The following ABCA1 variants were observed in gnomAD, a reference collection of about 807,000 sequenced individuals.
ABCA1 encodes phospholipid-transporting ATPase ABCA1.
A neutral mutation model predicts 262.5 loss-of-function variants in ABCA1; 133 were observed. That is an observed-to-expected ratio of 0.51 (90% CI 0.44 to 0.59). The LOEUF (loss-of-function observed/expected upper bound fraction) is 0.59, where lower values mean the gene tolerates loss of function less well. ABCA1 is among the 20% of genes least tolerant of loss of function. The pLI is 0.00. For missense variants in ABCA1, 2,452 were observed against 2,777.5 expected (o/e 0.88, Z 2.63); for synonymous variants, 1,022 against 1,043.5 (o/e 0.98, Z 0.40).
intron 6 of ABCA1, among the ~76,000 whole-genome samples, chr9:104,860,620 A>G (rs79872480): frequency 0.019 from 2,885 of 152,266 alleles, 89 homozygotes; most frequent in African/African-American, 0.066. Flanking sequence ...TGAAAAATCA[A>G]TAACCATGCA....
At chr9:104,848,470 C>G (rs566214704) in intron 7 of ABCA1, among the ~76,000 whole-genome samples, 2 of 152,000 alleles carry the variant, frequency 1.3e-5, no homozygotes, top group African/African-American at 4.8e-5. Context: ...CAAAAATTAG[C>G]CAGGCATGGT....
chr9:104,822,373 C>A, intron 19 of ABCA1, 123 bp downstream of exon 19: 1 of 1,284,788 alleles, frequency 7.8e-7, no homozygotes, highest in Non-Finnish European at 1.1e-6. Flanking sequence ...TCACATTCGG[C>A]AACTCCTCAT....
At position 104,884,580 on chromosome 9, in the gene ABCA1, G is replaced by C. The variant is rs201555773; in HGVS notation, c.161-12C>G. 1.2e-4 allele frequency: 197 copies of C among 1,613,996 alleles called. No individual in the cohort carries two copies. The highest frequency in any genetic ancestry group is 1.6e-4 in the Non-Finnish European group (186 of 1,180,008). On this transcript the variant is annotated splice_polypyrimidine_tract_variant and intron_variant, in intron 3 of 49. Transcript: ENST00000374736. The stretch of plus-strand genomic sequence containing the variant: ...ATTTGGAAAATGGCCTGTTGAAATC[G>C]AGGAGTAGAAAAACACAGGGAGAAA...
chr9:104,860,619 A>C (rs534590379), intron 6 of ABCA1, among the ~76,000 whole-genome samples: 1 of 152,132 alleles, frequency 6.6e-6, no homozygotes, highest in African/African-American at 2.4e-5. Flanking sequence ...CTGAAAAATC[A>C]ATAACCATGC....
At position 104,792,158 on chromosome 9, in the gene ABCA1, C is replaced by T. The variant is rs146800165; in HGVS notation, c.5758-160G>A. Among the ~76,000 whole-genome samples the T allele has an allele frequency of 4.2e-3, 635 of 152,302 alleles. 2 individuals carry two copies. Among genetic ancestry groups the T allele is most frequent in the African/African-American group, 0.014 (578 of 41,564 alleles). On this transcript the variant is annotated intron_variant, in intron 42 of 49. Coordinates refer to ENST00000374736, the MANE Select transcript of ABCA1 (RefSeq NM_005502.4). ...TTGATGTGCCAAGAGCCTTGGTCTGCGTTTGTGGCGACTGGCTTCTGAATG... is the reference window on the plus strand; with the variant it reads ...TTGATGTGCCAAGAGCCTTGGTCTGTGTTTGTGGCGACTGGCTTCTGAATG...
At chr9:104,898,558 A>G (rs1840406226) in intron 2 of ABCA1, among the ~76,000 whole-genome samples, 1 of 53,546 alleles carries the variant, frequency 1.9e-5, no homozygotes, top group Non-Finnish European at 3.5e-5. Context: ...AAAAATAAAT[A>G]AATAAATAAA....
chr9:104,875,844 G>A (rs143009694), intron 5 of ABCA1, among the ~76,000 whole-genome samples: 7 of 152,218 alleles, frequency 4.6e-5, no homozygotes, highest in African/African-American at 7.2e-5. Flanking sequence ...CAGGGACCGC[G>A]GTGTGTATGT....
At chr9:104,910,440 ATT>A (rs1390378671) in intron 1 of ABCA1, among the ~76,000 whole-genome samples, 1 of 152,198 alleles carries the variant, frequency 6.6e-6, no homozygotes, top group Non-Finnish European at 1.5e-5. Flanking sequence ...TTCTCCTATG[ATT>A]TTGTTTGTTG....
intron 7 of ABCA1, among the ~76,000 whole-genome samples, chr9:104,852,339 C>T (rs181609672): frequency 5.9e-5 from 9 of 152,156 alleles, no homozygotes; most frequent in South Asian, 2.1e-4. Context: ...TATTGAAATA[C>T]GAAATTATAA....
chr9:104,904,849 A>ACCGCC (rs756553857), intron 1 of ABCA1, among the ~76,000 whole-genome samples: 21 of 152,032 alleles, frequency 1.4e-4, no homozygotes, highest in Non-Finnish European at 3.1e-4. Context: ...ACCTGAACAC[A>ACCGCC]CCGCCCCCCT....
chr9:104,871,557 T>C (rs1292714574), intron 5 of ABCA1, among the ~76,000 whole-genome samples: 1 of 151,948 alleles, frequency 6.6e-6, no homozygotes, highest in Non-Finnish European at 1.5e-5. Flanking sequence ...AAATGGAAGA[T>C]AACACTAAGA....
At chr9:104,866,552 C>T (rs2119125313) in intron 5 of ABCA1, among the ~76,000 whole-genome samples, 1 of 151,964 alleles carries the variant, frequency 6.6e-6, no homozygotes, top group Admixed American at 6.5e-5. Flanking sequence ...CCGCTCTTGG[C>T]TCATTGCAAC....
chr9:104,792,762 C>G, intron 42 of ABCA1, 24 bp downstream of exon 42: 1 of 1,613,978 alleles, frequency 6.2e-7, no homozygotes, highest in Non-Finnish European at 8.5e-7. Context: ...TGAAGATGAG[C>G]TATTGTAACC....
In ABCA1 at chr9:104,858,514, C is replaced by T; in HGVS notation, c.720+8G>A. The T allele has an allele frequency of 6.2e-7, 1 of 1,613,112 alleles. No homozygotes were observed. Among genetic ancestry groups the T allele is most frequent in the South Asian group, 1.1e-5 (1 of 91,044 alleles). On this transcript the variant is annotated splice_region_variant and intron_variant, in intron 7 of 49. Transcript: ENST00000374736. ...CTTGAAGTTTCTCCAGTGAGCAAGT[C>T]TACTCACCAGGATTGGCTTCAGGAT...
intron 3 of ABCA1, 41 bp from the exon 4 acceptor site, chr9:104,884,609 T>G (rs746370703): frequency 1.2e-6 from 2 of 1,613,064 alleles, no homozygotes; most frequent in East Asian, 4.5e-5. Context: ...GGAGAAACAT[T>G]AATTCCCTGA....
At position 104,786,395 on chromosome 9, in the gene ABCA1, G is replaced by A. The variant is rs747359982; in HGVS notation, c.6309-5C>T. The A allele has an allele frequency of 2.2e-5, 35 of 1,613,078 alleles. 1 individual carries two copies. The highest frequency in any genetic ancestry group is 8.9e-5 in the East Asian group (4 of 44,864). ...AGAGCTTCACATTCTTCCATACTGCGGTAAAACAGAAAGAGGTTTTAGTTT... is the reference window on the plus strand; with the variant it reads ...AGAGCTTCACATTCTTCCATACTGCAGTAAAACAGAAAGAGGTTTTAGTTT... On this transcript the variant is annotated splice_region_variant and splice_polypyrimidine_tract_variant and intron_variant, in intron 47 of 49. Coordinates refer to ENST00000374736, the MANE Select transcript of ABCA1 (RefSeq NM_005502.4).
chr9:104,842,622 GA>G (rs751254615), intron 8 of ABCA1, among the ~76,000 whole-genome samples: 5 of 152,154 alleles, frequency 3.3e-5, no homozygotes, highest in African/African-American at 1.2e-4. Context: ...CTCAGGGAGG[GA>G]TGGCTCTTCA....
At chr9:104,906,770 A>AT (rs1841177317) in intron 1 of ABCA1, among the ~76,000 whole-genome samples, 1 of 149,100 alleles carries the variant, frequency 6.7e-6, no homozygotes, top group African/African-American at 2.5e-5. Flanking sequence ...AAAAAAAAAG[A>AT]TATAAAAGAG....
chr9:104,796,502 A>T, intron 37 of ABCA1, 78 bp from the exon 38 acceptor site: 1 of 1,068,284 alleles, frequency 9.4e-7, no homozygotes, highest in Non-Finnish European at 1.4e-6. Flanking sequence ...CACCATTATC[A>T]GACAAGAAAG....
Sources: allele counts gnomAD v4.1 joint callset (sites outside exome capture counted in the v4.1 genomes callset), GRCh38; gene constraint gnomAD v4.1.1; transcripts MANE v1.5; gene names NCBI Gene and HGNC (gene_info 2026-07-23, HGNC 2026-07-21).